SUGCT: variants seen among roughly 807,000 people sequenced by gnomAD.
The protein encoded by SUGCT is succinyl-CoA:glutarate-CoA transferase.
In SUGCT, 41 loss-of-function variants were observed where a neutral mutation model predicts 55.0. The observed-to-expected ratio is 0.74, with a 90% CI of 0.58 to 0.97. SUGCT has a LOEUF of 0.97. Ranked by LOEUF, SUGCT falls within the 50% of genes least tolerant of loss-of-function variation. The probability of loss-of-function intolerance (pLI) is 0.00; values close to 1 mark genes in which losing one functional copy is unlikely to be tolerated. For synonymous variants in SUGCT, 187 were observed against 200.4 expected, an observed-to-expected ratio of 0.93 and a Z score of 0.56; for missense variants, 568 against 547.8, an observed-to-expected ratio of 1.04 and a Z score of -0.37.
intron 12 of SUGCT, among the ~76,000 whole-genome samples, chr7:40,555,301 C>CTT (rs11288248): frequency 2.8e-5 from 4 of 144,290 alleles, no homozygotes; most frequent in Non-Finnish European, 6.1e-5. Flanking sequence ...TCCTCTTTGT[C>CTT]TTTTTTTTTT....
chr7:40,701,413 G>A (rs1159168048), intron 12 of SUGCT, among the ~76,000 whole-genome samples: 1 of 152,202 alleles, frequency 6.6e-6, no homozygotes, highest in Non-Finnish European at 1.5e-5. Context: ...AGCACTGGGA[G>A]GCCTGAGGAC....
At chr7:40,184,489 C>T (rs79251691) in intron 3 of SUGCT, among the ~76,000 whole-genome samples, 1,792 of 151,816 alleles carry the variant, frequency 0.012, 15 homozygotes, top group Middle Eastern at 0.02. Context: ...CTGCACCCGG[C>T]CTTATTAAAT....
At chr7:40,335,766 C>G (rs1796657678) in intron 9 of SUGCT, among the ~76,000 whole-genome samples, 1 of 152,144 alleles carries the variant, frequency 6.6e-6, no homozygotes, top group Non-Finnish European at 1.5e-5. Context: ...TTGCCCTGGC[C>G]AGAACTTCCA....
chr7:40,369,639 A>G (rs531387716), intron 9 of SUGCT, among the ~76,000 whole-genome samples: 1 of 152,118 alleles, frequency 6.6e-6, no homozygotes, highest in East Asian at 1.9e-4. Flanking sequence ...TCCCAATTAT[A>G]CCATTTAAGA....
intron 12 of SUGCT, chr7:40,499,076 A>G (rs1227187607): frequency 2.2e-6 from 1 of 456,680 alleles, no homozygotes; most frequent in Non-Finnish European, 4.4e-6. Flanking sequence ...GGTGCATGGA[A>G]ACGGCCACTT....
chr7:40,760,945 A>C (rs1297195733), intron 13 of SUGCT, among the ~76,000 whole-genome samples: 2 of 152,270 alleles, frequency 1.3e-5, no homozygotes, highest in East Asian at 3.8e-4. Context: ...ATAGTTAATA[A>C]ACTCGTAGCT....
intron 9 of SUGCT, among the ~76,000 whole-genome samples, chr7:40,374,263 T>C (rs1282945453): frequency 6.6e-6 from 1 of 152,314 alleles, no homozygotes; most frequent in Non-Finnish European, 1.5e-5. Flanking sequence ...AATATTTGTA[T>C]GTTGCTTTTT....
At chr7:40,469,065 A>G (rs1367931484) in intron 11 of SUGCT, among the ~76,000 whole-genome samples, 1 of 152,144 alleles carries the variant, frequency 6.6e-6, no homozygotes, top group African/African-American at 2.4e-5. Flanking sequence ...TCCCATATCT[A>G]CATGTTTTTA....
In SUGCT at chr7:40,544,132, G is replaced by GT. The variant is rs36008782; in HGVS notation, c.1089+47763dup. Among the ~76,000 whole-genome samples, 1,275 of 137,402 alleles carry GT rather than the reference G, an allele frequency of 9.3e-3. 17 individuals carry two copies. Among genetic ancestry groups the GT allele is most frequent in the African/African-American group, 0.023 (884 of 37,650 alleles). 90.1% of individuals were successfully genotyped at this position (137,402 alleles called of 152,430 possible). On this transcript the variant is annotated intron_variant, in intron 12 of 13. Transcript: ENST00000335693. ...TACTTGGCTTGGGTGAAGGTGGGAG[G>GT]TTTTTTTTTTTTTTTTTAGGGCAGT...
intron 9 of SUGCT, among the ~76,000 whole-genome samples, chr7:40,323,356 A>T (rs1795849752): frequency 1.3e-5 from 2 of 152,290 alleles, no homozygotes; most frequent in Non-Finnish European, 2.9e-5. Context: ...GGTGATGTTG[A>T]TGCTGTTAGT....
intron 6 of SUGCT, among the ~76,000 whole-genome samples, chr7:40,210,547 G>A (rs1310530113): frequency 6.6e-6 from 1 of 151,826 alleles, no homozygotes; most frequent in Non-Finnish European, 1.5e-5. Context: ...ATAAGAAATA[G>A]CACTCGAATA....
chr7:40,914,400 G>A, the SUGCT span, among the ~76,000 whole-genome samples: 7,858 of 151,704 alleles, frequency 0.052, 301 homozygotes, highest in South Asian at 0.17. Context: ...CTAGCATTAG[G>A]TTAGGACAAG....
At chr7:40,993,426 A>G in the SUGCT span, among the ~76,000 whole-genome samples, 1 of 152,186 alleles carries the variant, frequency 6.6e-6, no homozygotes, top group Non-Finnish European at 1.5e-5. Flanking sequence ...ACCTGAGCTC[A>G]AAAGTCAGGA....
intron 7 of SUGCT, among the ~76,000 whole-genome samples, chr7:40,272,193 T>TACAC (rs567563859): frequency 0.015 from 1,148 of 76,212 alleles, 60 homozygotes; most frequent in Non-Finnish European, 0.022. Flanking sequence ...TATATATATA[T>TACAC]ACAGGGTCTC....
chr7:40,727,829 G>A (rs1186778879), intron 12 of SUGCT, among the ~76,000 whole-genome samples: 1 of 152,082 alleles, frequency 6.6e-6, no homozygotes, highest in Admixed American at 6.6e-5. Flanking sequence ...TAATATTGGG[G>A]ATTAGTTTAT....
At chr7:40,165,243 AT>A (rs1036887847) in intron 1 of SUGCT, among the ~76,000 whole-genome samples, 1 of 151,746 alleles carries the variant, frequency 6.6e-6, no homozygotes, top group South Asian at 2.1e-4. Flanking sequence ...GCCTTTAAGA[AT>A]TTTTTTTTAA....
intron 9 of SUGCT, among the ~76,000 whole-genome samples, chr7:40,441,418 T>G (rs1788508101): frequency 1.3e-5 from 2 of 152,146 alleles, no homozygotes; most frequent in Non-Finnish European, 2.9e-5. Flanking sequence ...TTTAATAATT[T>G]TTTATTTGTG....
intron 12 of SUGCT, among the ~76,000 whole-genome samples, chr7:40,592,869 C>A (rs141274377): frequency 5.0e-4 from 76 of 152,258 alleles, no homozygotes; most frequent in Middle Eastern, 3.4e-3. Flanking sequence ...CCCTAGAGGT[C>A]AGGGATATCA....
the SUGCT span, among the ~76,000 whole-genome samples, chr7:40,872,452 A>C: frequency 6.6e-6 from 1 of 152,192 alleles, no homozygotes; most frequent in Admixed American, 6.5e-5. Flanking sequence ...TTGTTCTTCA[A>C]ATTTGCAGTT....
Sources: gnomAD v4.1 joint callset for allele counts (sites outside exome capture counted in the v4.1 genomes callset) on GRCh38, gnomAD v4.1.1 for gene constraint, MANE v1.5 for transcripts, NCBI Gene and HGNC (gene_info 2026-07-23, HGNC 2026-07-21) for gene names.